The following TMPRSS15 variants were observed in gnomAD, a reference collection of about 807,000 sequenced individuals.
TMPRSS15 encodes transmembrane serine protease 15.
TMPRSS15 carries 128 observed loss-of-function variants against 125.3 expected under a neutral mutation model. That is an observed-to-expected ratio of 1.02 (90% CI 0.89 to 1.18). The LOEUF (loss-of-function observed/expected upper bound fraction) is 1.18, where lower values mean the gene tolerates loss of function less well. Among genes scored for constraint, TMPRSS15 ranks in the 50% most tolerant of loss-of-function variants. The probability of loss-of-function intolerance (pLI) is 0.00; values close to 1 mark genes in which losing one functional copy is unlikely to be tolerated. For missense variants in TMPRSS15, 1,283 were observed against 1,212.7 expected (o/e 1.06, Z -0.86); for synonymous variants, 446 against 423.2 (o/e 1.05, Z -0.66).
chr21:18,317,989 G>A lies in TMPRSS15; in HGVS notation c.1922-2733C>T, dbSNP rs757042579. 3.1e-4 allele frequency among the ~76,000 whole-genome samples: 47 copies of A among 151,832 alleles called. 1 individual carries two copies. The highest frequency in any genetic ancestry group is 6.6e-4 in the Non-Finnish European group (45 of 67,992). On this transcript the variant is annotated intron_variant, in intron 16 of 24. Transcript: ENST00000284885. Reference sequence around the variant, plus strand: ...CAAATAAATTCATTTCACTACCCTGGTTTTTGATAAATACCAGGATAAACT... The same window carrying A: ...CAAATAAATTCATTTCACTACCCTGATTTTTGATAAATACCAGGATAAACT...
At position 18,434,704 on chromosome 21, in the gene TMPRSS15, A is replaced by G. The variant is rs568396736; in HGVS notation, c.11-36375T>C. Among the ~76,000 whole-genome samples, 9 of 152,210 alleles carry G rather than the reference A, an allele frequency of 5.9e-5. No individual in the cohort carries two copies. The South Asian group carries it at 1.9e-3, about 32-fold the overall frequency. ...TGAATAGGAGGTATATATTAGCTAT[A>G]TCATTTGATAAACATCTTAATCCAT... On this transcript the variant is annotated intron_variant, in intron 1 of 7. Transcript: ENST00000422787.
chr21:18,286,112 T>C (rs984214174), intron 21 of TMPRSS15, among the ~76,000 whole-genome samples: 16 of 152,202 alleles, frequency 1.1e-4, no homozygotes, highest in African/African-American at 3.9e-4. Context: ...TTTGAACTCT[T>C]TTCCTCACTT....
chr21:18,331,068 A>C (rs766482341), intron 14 of TMPRSS15, among the ~76,000 whole-genome samples: 1 of 109,156 alleles, frequency 9.2e-6, no homozygotes, highest in African/African-American at 3.5e-5. Context: ...GCGAGACTCC[A>C]TCTCAAAAAA....
In TMPRSS15 at chr21:18,323,643, AT is replaced by A. The variant is rs576622743; in HGVS notation, c.1921+2788del. On this transcript the variant is annotated intron_variant, in intron 16 of 24. Coordinates refer to ENST00000284885, the MANE Select transcript of TMPRSS15 (RefSeq NM_002772.3). ...AATCCCTTATCTGTTAGAGCACAGT[AT>A]TTTTTTAAAAAATCTCAATTACTTC... Among the ~76,000 whole-genome samples, 1,159 of 152,224 alleles carry A rather than the reference AT, an allele frequency of 7.6e-3. 4 individuals are homozygous for A. The highest frequency in any genetic ancestry group is 0.013 in the Non-Finnish European group (901 of 68,010).
chr21:18,324,162 A>C (rs1165631687), intron 16 of TMPRSS15, among the ~76,000 whole-genome samples: 1 of 151,916 alleles, frequency 6.6e-6, no homozygotes, highest in Admixed American at 6.6e-5. Context: ...AAAGCGTATA[A>C]TTTTTCTTTC....
intron 4 of TMPRSS15, chr21:18,380,546 T>C (rs1347092846): frequency 4.2e-6 from 2 of 470,794 alleles, no homozygotes; most frequent in South Asian, 3.1e-5. Context: ...TGACCTGAAG[T>C]TGTTGCAGGG....
chr21:18,270,008 G>A lies in TMPRSS15; in HGVS notation c.3021C>T (p.Val1007=), dbSNP rs2074534791. 3.7e-6 allele frequency: 6 copies of A among 1,613,874 alleles called. No individual in the cohort carries two copies. The highest frequency in any genetic ancestry group is 4.2e-6 in the Non-Finnish European group (5 of 1,179,870). ...TTTGTATCCATTCGGTAAACCTTGA[G>A]ACCCTGGCATACACTCCGGGGCGAT... ...LPNRPGVYAR[V]SRFTEWIQSF... The change falls in exon 25 of 25, where the codon GTC becomes GTT. Residue 1007 remains valine (V), a synonymous_variant. Coordinates refer to ENST00000284885, the MANE Select transcript of TMPRSS15 (RefSeq NM_002772.3).
At chr21:18,280,829 T>C (rs532642857) in intron 22 of TMPRSS15, among the ~76,000 whole-genome samples, 8 of 152,280 alleles carry the variant, frequency 5.3e-5, no homozygotes, top group South Asian at 4.1e-4. Flanking sequence ...TTTATTCTAC[T>C]GGTTCTTTCT....
At chr21:18,464,795 G>A (rs1978624783) in intron 1 of TMPRSS15, among the ~76,000 whole-genome samples, 1 of 152,092 alleles carries the variant, frequency 6.6e-6, no homozygotes, top group African/African-American at 2.4e-5. Context: ...AAAAGCCCAG[G>A]ACCAGATGGA....
intron 1 of TMPRSS15, among the ~76,000 whole-genome samples, chr21:18,420,095 CT>C (rs916335350): frequency 3.9e-5 from 6 of 152,146 alleles, no homozygotes; most frequent in Admixed American, 1.3e-4. Flanking sequence ...AAAAGGAGGG[CT>C]GTAATTTCCT....
chr21:18,327,151 T>C (rs1040713977), intron 15 of TMPRSS15, among the ~76,000 whole-genome samples: 3 of 152,220 alleles, frequency 2.0e-5, no homozygotes, highest in African/African-American at 7.2e-5. Flanking sequence ...AAGTTTTATA[T>C]GTTGGAAGCC....
At chr21:18,425,918 T>C (rs1026243427) in intron 1 of TMPRSS15, among the ~76,000 whole-genome samples, 2 of 152,140 alleles carry the variant, frequency 1.3e-5, no homozygotes, top group Non-Finnish European at 2.9e-5. Context: ...AAAAGATAAA[T>C]AGAAAAACAT....
intron 1 of TMPRSS15, among the ~76,000 whole-genome samples, chr21:18,435,365 C>G (rs1215336057): frequency 1.3e-5 from 2 of 152,114 alleles, no homozygotes; most frequent in African/African-American, 2.4e-5. Flanking sequence ...TGTCAAAGGC[C>G]TTTTCTGCAT....
intron 1 of TMPRSS15, among the ~76,000 whole-genome samples, chr21:18,441,661 C>CATTATT (rs113071625): frequency 0.021 from 2,848 of 134,658 alleles, 37 homozygotes; most frequent in African/African-American, 0.03. Context: ...CTTTAGGACA[C>CATTATT]ATTATTATTA....
chr21:18,318,325 T>C (rs1214493806), intron 16 of TMPRSS15, among the ~76,000 whole-genome samples: 1 of 152,176 alleles, frequency 6.6e-6, no homozygotes, highest in African/African-American at 2.4e-5. Context: ...GGAACAATGC[T>C]CTGAAGAGCT....
chr21:18,381,827 A>C (rs2075895439), intron 4 of TMPRSS15, among the ~76,000 whole-genome samples: 1 of 152,062 alleles, frequency 6.6e-6, no homozygotes. Flanking sequence ...GGCCTGTTGG[A>C]GGATGGGCGG....
chr21:18,309,437 C>A (rs2146929723), intron 18 of TMPRSS15, among the ~76,000 whole-genome samples: 1 of 152,186 alleles, frequency 6.6e-6, no homozygotes. Flanking sequence ...ATCTTCTGCA[C>A]AGCAAAAGAA....
chr21:18,329,323 G>T (rs1298288205), intron 14 of TMPRSS15, 29 bp from the exon 15 acceptor site: 6 of 1,598,658 alleles, frequency 3.8e-6, no homozygotes, highest in Non-Finnish European at 5.1e-6. Context: ...CATTTAATTT[G>T]GAACACACTT....
intron 12 of TMPRSS15, 98 bp from the exon 13 acceptor site, chr21:18,341,646 G>A: frequency 2.3e-6 from 3 of 1,278,220 alleles, no homozygotes; most frequent in South Asian, 2.4e-5. Context: ...ATTGTCTAGA[G>A]ATTCAATATT....
Sources: gnomAD v4.1 joint callset for allele counts (sites outside exome capture counted in the v4.1 genomes callset) on GRCh38, gnomAD v4.1.1 for gene constraint, MANE v1.5 for transcripts, NCBI Gene and HGNC (gene_info 2026-07-23, HGNC 2026-07-21) for gene names.